The following DNAH5 variants were observed in gnomAD, a reference collection of about 807,000 sequenced individuals.
DNAH5 encodes axonemal beta dynein heavy chain 5.
In DNAH5, 372 loss-of-function variants were observed where a neutral mutation model predicts 518.2. The observed-to-expected ratio is 0.72, with a 90% CI of 0.66 to 0.78. The LOEUF is 0.78. Ranked by LOEUF, DNAH5 falls within the 30% of genes least tolerant of loss-of-function variation. The probability of loss-of-function intolerance (pLI) is 0.00; values close to 1 mark genes in which losing one functional copy is unlikely to be tolerated. For synonymous variants in DNAH5, 2,039 were observed against 2,025.9 expected (o/e 1.01, Z -0.17); for missense variants, 5,523 against 5,687.0 (o/e 0.97, Z 0.93).
rs756063580 is a variant in DNAH5 at position 13,770,963 on chromosome 5, T to A, written c.9391A>T (p.Thr3131Ser). 1.2e-6 allele frequency: 2 copies of A among 1,613,356 alleles called. No homozygotes were observed. The highest frequency in any genetic ancestry group is 2.2e-5 in the South Asian group (2 of 91,066). The change falls in exon 56 of 79, where the codon ACT becomes TCT. Residue 3131 changes from threonine to serine, a missense_variant. Transcript: ENST00000265104. Reference sequence around the variant, plus strand: ...AAACTGCAGTCAATATCATAGGAAGTGAGGAAGTGTTCAGACACTAGAGAG... The same window carrying A: ...AAACTGCAGTCAATATCATAGGAAGAGAGGAAGTGTTCAGACACTAGAGAG... ...ALVAVSEHFL[T>S]SYDIDCSLEI...
In DNAH5 at chr5:13,719,661, C is replaced by CAGA. The variant is rs1241631308; in HGVS notation, c.12280-561_12280-560insTCT. 9.2e-5 allele frequency among the ~76,000 whole-genome samples: 14 copies of CAGA among 152,258 alleles called. 1 individual carries two copies. In the East Asian group the frequency reaches 1.4e-3, roughly 15 times the overall value. On this transcript the variant is annotated intron_variant, in intron 71 of 78. Transcript: ENST00000265104. ...AGTTGATTTTCTACAGAAGGCAAAA[C>CAGA]AGGGTCTAGATTGGAGGATACCAGC...
chr5:13,942,794 G>C (rs564795859), intron 1 of DNAH5, among the ~76,000 whole-genome samples: 1 of 152,042 alleles, frequency 6.6e-6, no homozygotes, highest in South Asian at 2.1e-4. Flanking sequence ...ATCCTCACTT[G>C]GCCATGCCAT....
At chr5:13,855,530 C>G (rs1345548053) in intron 30 of DNAH5, among the ~76,000 whole-genome samples, 1 of 152,082 alleles carries the variant, frequency 6.6e-6, no homozygotes, top group Admixed American at 6.5e-5. Context: ...TTTTAATGCC[C>G]ATACTCTTCA....
chr5:13,998,001 G>A (rs375532070), intron 1 of DNAH5, among the ~76,000 whole-genome samples: 10 of 151,954 alleles, frequency 6.6e-5, no homozygotes, highest in Non-Finnish European at 1.0e-4. Flanking sequence ...GTACCACCAC[G>A]CCCAGCTAAT....
In DNAH5 at chr5:13,758,940, T is replaced by C; in HGVS notation, c.10325A>G (p.Gln3442Arg). ...CTCGGCCTGGGCTTTCTGCAGATCCTGCATGGCCAGGAGATGGCGATTCTC... is the reference window on the plus strand; with the variant it reads ...CTCGGCCTGGGCTTTCTGCAGATCCCGCATGGCCAGGAGATGGCGATTCTC... ...VQENRHLLAM[Q>R]DLQKAQAELD... The change falls in exon 61 of 79, where the codon CAG becomes CGG. Residue 3442 changes from glutamine (Q) to arginine (R), a missense_variant. Around this residue, in one of 3 missense-constraint regions of DNAH5, gnomAD observed 5,121 missense variants for 5,223.3 expected, o/e 0.98. Coordinates refer to ENST00000265104, the MANE Select transcript of DNAH5 (RefSeq NM_001369.3). 1.9e-6 allele frequency: 3 copies of C among 1,614,204 alleles called. No individual in the cohort carries two copies. The highest frequency in any genetic ancestry group is 2.5e-6 in the Non-Finnish European group (3 of 1,180,028).
chr5:13,838,914 C>T (rs1430122692), intron 35 of DNAH5, among the ~76,000 whole-genome samples: 1 of 151,698 alleles, frequency 6.6e-6, no homozygotes, highest in Non-Finnish European at 1.5e-5. Context: ...GAAGAGTTAA[C>T]ACTCTGGAGG....
Position 13,716,344 on chromosome 5 carries a change from G to T in DNAH5, c.12909+143C>A, listed in dbSNP as rs145305765. On this transcript the variant is annotated intron_variant, in intron 74 of 78. Transcript: ENST00000265104. ...AATCATCCATTGAGTATAAAAATATGAAGAAAGCCTTCACAGCAAAAGCAT... is the reference window on the plus strand; with the variant it reads ...AATCATCCATTGAGTATAAAAATATTAAGAAAGCCTTCACAGCAAAAGCAT... 2,725 of 678,388 alleles carry T rather than the reference G, an allele frequency of 4.0e-3. 76 individuals are homozygous for T. In the East Asian group the frequency reaches 0.05, roughly 12 times the overall value. The allele number at this position is 678,388 out of a possible 1,614,324, so 42.0% of individuals were successfully genotyped here.
intron 35 of DNAH5, among the ~76,000 whole-genome samples, chr5:13,835,125 A>C (rs144066175): frequency 1.4e-3 from 217 of 152,200 alleles, no homozygotes; most frequent in African/African-American, 4.7e-3. Context: ...CATCTACTAA[A>C]AATACAAAAA....
intron 78 of DNAH5, among the ~76,000 whole-genome samples, chr5:13,692,768 A>G (rs1740873236): frequency 1.3e-5 from 2 of 152,202 alleles, no homozygotes; most frequent in Admixed American, 6.5e-5. Flanking sequence ...TGACACTGCA[A>G]TGAAAGGCAA....
chr5:13,851,365 G>A (rs1766811988), intron 30 of DNAH5, among the ~76,000 whole-genome samples: 2 of 152,114 alleles, frequency 1.3e-5, no homozygotes, highest in South Asian at 4.1e-4. Flanking sequence ...CAGAGTGCAG[G>A]TGCTCGGTCA....
chr5:13,699,880 C>T (rs527395591), intron 78 of DNAH5, among the ~76,000 whole-genome samples: 56 of 152,210 alleles, frequency 3.7e-4, no homozygotes, highest in Admixed American at 1.1e-3. Context: ...CCCTCGTGTG[C>T]TGAAATGTGG....
At chr5:13,821,756 GTCA>G (rs1310249762) in intron 40 of DNAH5, among the ~76,000 whole-genome samples, 2 of 152,062 alleles carry the variant, frequency 1.3e-5, no homozygotes, top group Non-Finnish European at 2.9e-5. Context: ...ACTAACGTAA[GTCA>G]TCATATCAAC....
intron 40 of DNAH5, among the ~76,000 whole-genome samples, chr5:13,821,870 C>T (rs568505741): frequency 6.6e-6 from 1 of 152,292 alleles, no homozygotes; most frequent in East Asian, 1.9e-4. Flanking sequence ...TCACAGCTCA[C>T]TGCAGCCTCA....
chr5:13,908,295 TCTACATTTTTTCA>T (rs1245427526), intron 12 of DNAH5, among the ~76,000 whole-genome samples: 2 of 152,186 alleles, frequency 1.3e-5, no homozygotes, highest in African/African-American at 4.8e-5. Context: ...TAAATAAACA[TCTACATTTTTTCA>T]CTACATAAAA....
intron 14 of DNAH5, 197 bp from the exon 15 acceptor site, chr5:13,900,609 T>C (rs1774473937): frequency 3.3e-6 from 2 of 610,656 alleles, no homozygotes; most frequent in Non-Finnish European, 5.8e-6. Context: ...GGTGTTGATG[T>C]TGGGCAGTCA....
rs966213698 is a variant in DNAH5 at position 13,841,321 on chromosome 5, G to A, written c.5485-191C>T. ...TTTGAGTCATTTATGTTGAAGTCACGTTTCTCATTGTTTCCTGTATTTTAA... is the reference window on the plus strand; with the variant it reads ...TTTGAGTCATTTATGTTGAAGTCACATTTCTCATTGTTTCCTGTATTTTAA... On this transcript the variant is annotated intron_variant, in intron 33 of 78. Coordinates refer to ENST00000265104, the MANE Select transcript of DNAH5 (RefSeq NM_001369.3). Among the ~76,000 whole-genome samples, 7 of 151,972 alleles carry A rather than the reference G, an allele frequency of 4.6e-5. No individual in the cohort carries two copies. The East Asian group carries it at 5.8e-4, about 13-fold the overall frequency.
intron 47 of DNAH5, among the ~76,000 whole-genome samples, chr5:13,799,113 T>C (rs1450603788): frequency 1.3e-5 from 2 of 152,126 alleles, no homozygotes; most frequent in African/African-American, 2.4e-5. Flanking sequence ...TTTTTCACTA[T>C]TTTTAAATAG....
At position 13,793,653 on chromosome 5, in the gene DNAH5, T is replaced by C. The variant is rs761980501; in HGVS notation, c.8086A>G (p.Ser2696Gly). 24 of 1,614,080 alleles carry C rather than the reference T, an allele frequency of 1.5e-5. No homozygotes were observed. Among genetic ancestry groups the C allele is most frequent in the South Asian group, 3.3e-5 (3 of 91,084 alleles). ...GCCAAAAACTGGATGTCCACGATGC[T>C]GGTGAACTCCCCAGGCTTCTCTAGA... ...YNLEKPGEFT[S>G]IVDIQFLAAM... Residue 2696 changes from serine to glycine, a missense_variant, in exon 49 of 79, where the codon AGC becomes GGC. By Grantham distance (56) the Ser-to-Gly change is moderately conservative. Around this residue, in one of 3 missense-constraint regions of DNAH5, gnomAD observed 5,121 missense variants for 5,223.3 expected, o/e 0.98. Coordinates refer to ENST00000265104, the MANE Select transcript of DNAH5 (RefSeq NM_001369.3).
chr5:13,701,368 G>C lies in DNAH5; in HGVS notation c.13407C>G (p.Thr4469=). ...GAGGTCGGCCATTGAAAACCCACGA[G>C]GTAAACTGGCTGTTTCTTTCTATAA... is the stretch of plus-strand genomic sequence containing the variant. ...TELIERNSQF[T]SWVFNGRPHC... The change falls in exon 77 of 79, where the codon ACC becomes ACG. Residue 4469 remains threonine (T), a synonymous_variant. Coordinates refer to ENST00000265104, the MANE Select transcript of DNAH5 (RefSeq NM_001369.3). The C allele has an allele frequency of 3.1e-6, 5 of 1,613,968 alleles. No individual in the cohort carries two copies. The highest frequency in any genetic ancestry group is 1.7e-5 in the Admixed American group (1 of 60,008).
Sources: gnomAD v4.1 joint callset for allele counts (sites outside exome capture counted in the v4.1 genomes callset) on GRCh38, gnomAD v4.1.1 for gene constraint, gnomAD v4.1.1 regional missense constraint, MANE v1.5 for transcripts, NCBI Gene and HGNC (gene_info 2026-07-23, HGNC 2026-07-21) for gene names.